NFE2L2: variants seen among roughly 807,000 people sequenced by gnomAD.
NFE2L2 encodes the protein nuclear factor erythroid 2-related factor 2.
NFE2L2 carries 20 observed loss-of-function variants against 49.6 expected under a neutral mutation model. The ratio of observed to expected loss-of-function variants is 0.40; its 90% CI spans 0.28 to 0.59. The LOEUF is 0.59. Among genes scored for constraint, NFE2L2 ranks in the 20% least tolerant of loss-of-function variants. The pLI, the probability that NFE2L2 is intolerant of heterozygous loss-of-function variation, is 0.40. For missense variants in NFE2L2, 578 were observed against 714.2 expected, an observed-to-expected ratio of 0.81 and a Z score of 2.17; for synonymous variants, 244 against 256.5, an observed-to-expected ratio of 0.95 and a Z score of 0.47.
chr2:177,232,249 T>C (rs1689580059), intron 4 of NFE2L2, 143 bp downstream of exon 4: 9 of 950,474 alleles, frequency 9.5e-6, no homozygotes, highest in Non-Finnish European at 1.4e-5. Flanking sequence ...GTCCAACCAA[T>C]TTAACTAGCA....
At chr2:177,238,634 T>A (rs1272618215) in intron 1 of NFE2L2, among the ~76,000 whole-genome samples, 1 of 152,170 alleles carries the variant, frequency 6.6e-6, no homozygotes, top group Non-Finnish European at 1.5e-5. Flanking sequence ...TCCAGGCCAA[T>A]GGATAATAAT....
chr2:177,231,433 C>A lies in NFE2L2; in HGVS notation c.1170G>T (p.Gln390His). 6.2e-7 allele frequency: 1 copy of A among 1,614,222 alleles called. No homozygotes were observed. The highest frequency in any genetic ancestry group is 8.5e-7 in the Non-Finnish European group (1 of 1,180,038). ...ELDSAPGSVK[Q>H]NGPKTPVHSS... ...AATGTACTGGTGTTTTAGGACCATT[C>A]TGTTTGACACTTCCAGGGGCACTAT... Residue 390 changes from glutamine (Q) to histidine (H), a missense_variant, in exon 5 of 5, where the codon CAG becomes CAT. By Grantham distance (24) the Gln-to-His change is conservative. Around this residue, in one of 3 missense-constraint regions of NFE2L2, gnomAD observed 368 missense variants for 384.6 expected, o/e 0.96. Transcript: ENST00000397062.
In NFE2L2 at chr2:177,231,440, A is replaced by G. The variant is rs772306849; in HGVS notation, c.1163T>C (p.Val388Ala). 5.6e-5 allele frequency: 91 copies of G among 1,614,088 alleles called. No individual in the cohort carries two copies. The highest frequency in any genetic ancestry group is 7.3e-5 in the Non-Finnish European group (86 of 1,180,044). The change falls in exon 5 of 5, where the codon GTC (valine) becomes GCC (alanine). Residue 388 changes from valine (V) to alanine (A), a missense_variant. Coordinates refer to ENST00000397062, the MANE Select transcript of NFE2L2 (RefSeq NM_006164.5). ...TGGTGTTTTAGGACCATTCTGTTTG[A>G]CACTTCCAGGGGCACTATCTAGCTC... ...VEELDSAPGS[V>A]KQNGPKTPVH...
intron 1 of NFE2L2, among the ~76,000 whole-genome samples, chr2:177,254,560 T>A (rs1344541187): frequency 1.3e-5 from 2 of 152,158 alleles, no homozygotes; most frequent in Non-Finnish European, 2.9e-5. Context: ...CACTTTCTGC[T>A]TGTCACAGCG....
chr2:177,247,260 T>C (rs1690164735), intron 1 of NFE2L2, among the ~76,000 whole-genome samples: 1 of 152,072 alleles, frequency 6.6e-6, no homozygotes, highest in Non-Finnish European at 1.5e-5. Flanking sequence ...GGGTACCCAC[T>C]CAATAAATAC....
chr2:177,241,811 T>C (rs2105469621), intron 1 of NFE2L2, among the ~76,000 whole-genome samples: 1 of 152,316 alleles, frequency 6.6e-6, no homozygotes, highest in Admixed American at 6.5e-5. Flanking sequence ...GCCATGATCA[T>C]GTACTGCCCT....
At chr2:177,262,966 C>A (rs769715716) in intron 1 of NFE2L2, among the ~76,000 whole-genome samples, 1 of 152,168 alleles carries the variant, frequency 6.6e-6, no homozygotes, top group Non-Finnish European at 1.5e-5. Flanking sequence ...GGGAAAAAAG[C>A]ACAATTAATA....
chr2:177,258,764 G>A (rs1297654604), intron 1 of NFE2L2, among the ~76,000 whole-genome samples: 1 of 152,120 alleles, frequency 6.6e-6, no homozygotes, highest in Non-Finnish European at 1.5e-5. Context: ...TATAAACTCA[G>A]AGGAGGCATC....
rs764167670 is a variant in NFE2L2, at chr2:177,231,984, G to A, written c.619C>T (p.Leu207=). 6 of 1,609,262 alleles carry A rather than the reference G, an allele frequency of 3.7e-6. 1 individual carries two copies. In the South Asian group the frequency reaches 5.5e-5, roughly 15 times the overall value. The change falls in exon 5 of 5, where the codon CTG becomes TTG. Residue 207 remains leucine (L), a synonymous_variant. Coordinates refer to ENST00000397062, the MANE Select transcript of NFE2L2 (RefSeq NM_006164.5). ...LQCLNIENDK[L]VETTMVPSPE... ...CTTGGAACCATGGTAGTCTCAACCA[G>A]CTTGTCATTTTCAATATTAAGACAC...
In NFE2L2 at chr2:177,230,846, G is replaced by A. The variant is rs748995987; in HGVS notation, c.1757C>T (p.Thr586Ile). 1.9e-6 allele frequency: 3 copies of A among 1,599,616 alleles called. No homozygotes were observed. The highest frequency in any genetic ancestry group is 1.8e-5 in the Admixed American group (1 of 55,944). ...YSPSEYSLQQ[T>I]RDGNVFLVPK... is the part of the protein sequence containing the mutation. ...AACAAGGAAAACATTGCCATCTCTT[G>A]TTTGCTGCAGGGAGTATTCACTAGG... The change falls in exon 5 of 5, where the codon ACA becomes ATA. Residue 586 changes from threonine (T) to isoleucine (I), a missense_variant. Coordinates refer to ENST00000397062, the MANE Select transcript of NFE2L2 (RefSeq NM_006164.5).
rs568811765 is a variant in NFE2L2, at chr2:177,263,393, C to T, written c.45+1139G>A. 3.8e-3 allele frequency: 3,782 copies of T among 985,468 alleles called. 9 individuals are homozygous for T. Among genetic ancestry groups the T allele is most frequent in the Non-Finnish European group, 4.4e-3 (3,653 of 829,932 alleles). 61.0% of individuals were successfully genotyped at this position (985,468 alleles called of 1,614,324 possible). A position where few individuals can be genotyped will look rare whatever the true frequency, so the allele number is the denominator to read the frequency against. On this transcript the variant is annotated intron_variant, in intron 1 of 4. Coordinates refer to ENST00000397062, the MANE Select transcript of NFE2L2 (RefSeq NM_006164.5). ...CAACAGAAATTCTAATCTACACTCG[C>T]AACTCTTACCCTTGACAGCACAGAA...
chr2:177,242,135 A>T (rs1689956941), intron 1 of NFE2L2, among the ~76,000 whole-genome samples: 1 of 152,154 alleles, frequency 6.6e-6, no homozygotes, highest in Non-Finnish European at 1.5e-5. Context: ...TATTAGACTG[A>T]TTTGCTATCT....
chr2:177,259,717 G>A (rs1690660305), intron 1 of NFE2L2, among the ~76,000 whole-genome samples: 1 of 152,132 alleles, frequency 6.6e-6, no homozygotes, highest in South Asian at 2.1e-4. Flanking sequence ...CGGATCATGA[G>A]GTCAGGAGAT....
At chr2:177,243,763 CCA>C (rs2105472074) in intron 1 of NFE2L2, among the ~76,000 whole-genome samples, 1 of 152,210 alleles carries the variant, frequency 6.6e-6, no homozygotes, top group South Asian at 2.1e-4. Flanking sequence ...CCTTGGTCTC[CCA>C]AAGTGCTGAG....
chr2:177,235,195 G>A (rs1024586883), intron 1 of NFE2L2, among the ~76,000 whole-genome samples: 1 of 152,176 alleles, frequency 6.6e-6, no homozygotes, highest in Non-Finnish European at 1.5e-5. Context: ...GGAGGCTGAG[G>A]CAGGTGGATT....
chr2:177,247,684 C>CAAA (rs57701650), intron 1 of NFE2L2, among the ~76,000 whole-genome samples: 25 of 56,342 alleles, frequency 4.4e-4, no homozygotes, highest in Middle Eastern at 9.8e-3. Context: ...CCCCACCCCG[C>CAAA]AAAAAAAAAA....
At chr2:177,252,168 G>A (rs983173754) in intron 1 of NFE2L2, among the ~76,000 whole-genome samples, 3 of 152,072 alleles carry the variant, frequency 2.0e-5, no homozygotes, top group Non-Finnish European at 4.4e-5. Context: ...ATGATGAAAC[G>A]GAAACACACC....
chr2:177,255,565 T>C (rs1690487258), intron 1 of NFE2L2, among the ~76,000 whole-genome samples: 2 of 152,240 alleles, frequency 1.3e-5, no homozygotes, highest in African/African-American at 4.8e-5. Flanking sequence ...GGTTGATTTT[T>C]CTTTTTTTCA....
At chr2:177,245,392 A>G (rs1690088966) in intron 1 of NFE2L2, among the ~76,000 whole-genome samples, 1 of 152,190 alleles carries the variant, frequency 6.6e-6, no homozygotes, top group Non-Finnish European at 1.5e-5. Context: ...TTCTAATTTT[A>G]CAACTCTTGC....
Sources: gnomAD v4.1 joint callset for allele counts (sites outside exome capture counted in the v4.1 genomes callset) on GRCh38, gnomAD v4.1.1 for gene constraint, gnomAD v4.1.1 regional missense constraint, MANE v1.5 for transcripts, NCBI Gene and HGNC (gene_info 2026-07-23, HGNC 2026-07-21) for gene names.